The following ADAMTS14 variants were observed in gnomAD, a reference collection of about 807,000 sequenced individuals.
ADAMTS14 encodes the protein ADAM metallopeptidase with thrombospondin type 1 motif 14.
ADAMTS14 carries 100 observed loss-of-function variants against 128.6 expected under a neutral mutation model. The ratio of observed to expected loss-of-function variants is 0.78; its 90% CI spans 0.66 to 0.92. The LOEUF (loss-of-function observed/expected upper bound fraction) is 0.92, where lower values mean the gene tolerates loss of function less well. Ranked by LOEUF, ADAMTS14 falls within the 40% of genes least tolerant of loss-of-function variation. ADAMTS14 has a pLI of 0.00. For synonymous variants in ADAMTS14, 665 were observed against 653.8 expected (o/e 1.02, Z -0.26); for missense variants, 1,562 against 1,658.6 (o/e 0.94, Z 1.01).
chr10:70,759,945 AG>A (rs991947372), intron 21 of ADAMTS14, among the ~76,000 whole-genome samples: 46 of 152,318 alleles, frequency 3.0e-4, no homozygotes, highest in African/African-American at 1.0e-3. Context: ...AGCAGGGCTG[AG>A]GGCGAATGGC....
chr10:70,740,895 G>T, intron 11 of ADAMTS14, 92 bp from the exon 12 acceptor site: 1 of 1,350,274 alleles, frequency 7.4e-7, no homozygotes. Context: ...TATTATGAAT[G>T]GCTGAGCTGC....
rs1841915378 is a variant in ADAMTS14, at chr10:70,739,009, G to A, written c.1748+19G>A. 1 of 1,590,350 alleles carries A rather than the reference G, an allele frequency of 6.3e-7. No homozygotes were observed. The highest frequency in any genetic ancestry group is 8.6e-7 in the Non-Finnish European group (1 of 1,168,012). On this transcript the variant is annotated intron_variant, in intron 11 of 21. Coordinates refer to ENST00000373207, the MANE Select transcript of ADAMTS14 (RefSeq NM_080722.4). The stretch of plus-strand genomic sequence containing the variant: ...ACCCCTCGTGAGTGTGCTTGGCTAG[G>A]GTGGGGAGGGCAGGGAGTCCCTCCC...
rs769815479 is a variant in ADAMTS14 at position 70,741,014 on chromosome 10, A to T, written c.1776A>T (p.Leu592Phe). Residue 592 changes from leucine to phenylalanine, a missense_variant, in exon 12 of 22, where the codon TTA becomes TTT. Transcript: ENST00000373207. ...PSPAYGGRLC[L>F]GPMFEYQVCN... The stretch of plus-strand genomic sequence containing the variant: ...CAGCCTATGGAGGCCGCCTGTGCTT[A>T]GGGCCCATGTTCGAGTACCAGGTCT... The T allele has an allele frequency of 1.9e-6, 3 of 1,614,114 alleles. No homozygotes were observed.
At chr10:70,738,622 G>T (rs1472727776) in intron 10 of ADAMTS14, among the ~76,000 whole-genome samples, 1 of 152,212 alleles carries the variant, frequency 6.6e-6, no homozygotes, top group Non-Finnish European at 1.5e-5. Flanking sequence ...TACTGGGTAT[G>T]ATCTCATCAG....
At chr10:70,711,030 C>T (rs1175619820) in intron 4 of ADAMTS14, among the ~76,000 whole-genome samples, 2 of 152,154 alleles carry the variant, frequency 1.3e-5, no homozygotes, top group Non-Finnish European at 2.9e-5. Flanking sequence ...ACCTGTGTTG[C>T]TCAGGGATCC....
intron 1 of ADAMTS14, among the ~76,000 whole-genome samples, chr10:70,673,967 C>G (rs569642934): frequency 9.8e-5 from 15 of 152,358 alleles, no homozygotes; most frequent in Non-Finnish European, 1.9e-4. Context: ...ATACAGAGAT[C>G]TCAGCGGCCA....
At chr10:70,742,708 A>G (rs1564551669) in intron 12 of ADAMTS14, among the ~76,000 whole-genome samples, 1 of 152,206 alleles carries the variant, frequency 6.6e-6, no homozygotes, top group Non-Finnish European at 1.5e-5. Context: ...TTTTCCCAGG[A>G]CTGTTAGACG....
intron 20 of ADAMTS14, 42 bp downstream of exon 20, chr10:70,758,133 G>C (rs1181787601): frequency 1.2e-6 from 2 of 1,612,578 alleles, no homozygotes; most frequent in African/African-American, 2.7e-5. Context: ...AGTCCCTTGG[G>C]CCAAAGTCCC....
chr10:70,703,754 G>A (rs1308130120), intron 3 of ADAMTS14, among the ~76,000 whole-genome samples: 1 of 152,232 alleles, frequency 6.6e-6, no homozygotes, highest in African/African-American at 2.4e-5. Context: ...ACCATGGTGG[G>A]CAGCTGGGAA....
chr10:70,759,014 C>A (rs1189627122), intron 21 of ADAMTS14, among the ~76,000 whole-genome samples: 4 of 152,148 alleles, frequency 2.6e-5, no homozygotes, highest in Non-Finnish European at 5.9e-5. Context: ...ACCCTAACTC[C>A]TAGTTAGAGG....
intron 12 of ADAMTS14, among the ~76,000 whole-genome samples, chr10:70,742,916 T>C (rs1483973200): frequency 6.6e-6 from 1 of 152,218 alleles, no homozygotes; most frequent in Non-Finnish European, 1.5e-5. Flanking sequence ...CAGACCACTT[T>C]TCTGCCTTTT....
intron 3 of ADAMTS14, among the ~76,000 whole-genome samples, chr10:70,706,220 G>A (rs1840662334): frequency 6.6e-6 from 1 of 152,212 alleles, no homozygotes; most frequent in Non-Finnish European, 1.5e-5. Context: ...TCTGCAGAGA[G>A]AGAATTATGG....
chr10:70,687,885 T>C (rs1291450805), intron 2 of ADAMTS14, among the ~76,000 whole-genome samples: 2 of 70,564 alleles, frequency 2.8e-5, no homozygotes, highest in African/African-American at 5.3e-5. Context: ...ACCTCCCTCC[T>C]GGACGGCACG....
chr10:70,744,384 A>G (rs1443367028), intron 14 of ADAMTS14, among the ~76,000 whole-genome samples, 195 bp downstream of exon 14: 1 of 152,174 alleles, frequency 6.6e-6, no homozygotes, highest in Non-Finnish European at 1.5e-5. Context: ...CTTTCAGGCA[A>G]GCTCCTCCCT....
At chr10:70,697,108 TTGGGAGGTGA>T (rs1287385498) in intron 2 of ADAMTS14, among the ~76,000 whole-genome samples, 1 of 152,188 alleles carries the variant, frequency 6.6e-6, no homozygotes, top group Non-Finnish European at 1.5e-5. Context: ...TGCACTCTCC[TTGGGAGGTGA>T]TGGGGTGATT....
intron 3 of ADAMTS14, among the ~76,000 whole-genome samples, chr10:70,703,885 G>A (rs771579633): frequency 6.6e-6 from 1 of 152,218 alleles, no homozygotes; most frequent in African/African-American, 2.4e-5. Flanking sequence ...GTCCATCTAC[G>A]GGCCTTCCTT....
At chr10:70,725,152 G>A (rs1258938223) in intron 4 of ADAMTS14, among the ~76,000 whole-genome samples, 3 of 152,144 alleles carry the variant, frequency 2.0e-5, no homozygotes, top group Non-Finnish European at 1.5e-5. Context: ...TCTCTTTGAC[G>A]GAGGTGTGCT....
intron 9 of ADAMTS14, 129 bp from the exon 10 acceptor site, chr10:70,736,551 C>G: frequency 1.4e-6 from 1 of 732,466 alleles, no homozygotes; most frequent in Non-Finnish European, 2.1e-6. Flanking sequence ...AGGTGAGGGG[C>G]TCTGGCTGCC....
chr10:70,760,925 C>G lies in ADAMTS14; in HGVS notation c.*72C>G. On this transcript the variant is annotated 3_prime_UTR_variant, in exon 22 of 22. Transcript: ENST00000373207. ...CCCGTGACTCCCAGCTCAGAGGACACACATAGCAGGGCAGGCGCAAGCACA... is the reference window on the plus strand; with the variant it reads ...CCCGTGACTCCCAGCTCAGAGGACAGACATAGCAGGGCAGGCGCAAGCACA... 6.7e-7 allele frequency: 1 copy of G among 1,490,016 alleles called. No homozygotes were observed. Among genetic ancestry groups the G allele is most frequent in the South Asian group, 1.4e-5 (1 of 72,214 alleles). The allele number at this position is 1,490,016 out of a possible 1,614,324, so 92.3% of individuals were successfully genotyped here. A position where few individuals can be genotyped will look rare whatever the true frequency, so the allele number is the denominator to read the frequency against.
Sources: allele counts gnomAD v4.1 joint callset (sites outside exome capture counted in the v4.1 genomes callset), GRCh38; gene constraint gnomAD v4.1.1; transcripts MANE v1.5; gene names NCBI Gene and HGNC (gene_info 2026-07-23, HGNC 2026-07-21).